The following SOX6 variants were observed in gnomAD, a reference collection of about 807,000 sequenced individuals.
SOX6 encodes the protein transcription factor SOX-6.
A neutral mutation model predicts 97.8 loss-of-function variants in SOX6; 11 were observed. That is an observed-to-expected ratio of 0.11 (90% CI 0.07 to 0.19). The LOEUF is 0.19. SOX6 is among the 10% of genes least tolerant of loss of function. The pLI, the probability that SOX6 is intolerant of heterozygous loss-of-function variation, is 1.00. For missense variants in SOX6, 810 were observed against 1,039.5 expected (o/e 0.78, Z 3.04); for synonymous variants, 360 against 371.4 (o/e 0.97, Z 0.35).
At chr11:16,012,261 T>A (rs1854753764) in intron 13 of SOX6, among the ~76,000 whole-genome samples, 1 of 152,026 alleles carries the variant, frequency 6.6e-6, no homozygotes, top group African/African-American at 2.4e-5. Context: ...TAATATGAAG[T>A]GTAACTCCAG....
chr11:16,361,197 A>G (rs1857203878), upstream of SOX6, among the ~76,000 whole-genome samples: 2 of 152,156 alleles, frequency 1.3e-5, no homozygotes, highest in South Asian at 4.1e-4. Flanking sequence ...AAGGTCATGC[A>G]GCCAATAAGG....
At chr11:16,455,949 A>T (rs1040611472) in intron 1 of SOX6, among the ~76,000 whole-genome samples, 1 of 152,096 alleles carries the variant, frequency 6.6e-6, no homozygotes, top group Admixed American at 6.6e-5. Context: ...TAAAATGTCA[A>T]AATAGGTACT....
chr11:16,410,718 C>A, intron 1 of SOX6, among the ~76,000 whole-genome samples: 1 of 137,814 alleles, frequency 7.3e-6, no homozygotes. Context: ...ATGATCATGC[C>A]ACTGCACTCT....
Position 16,513,350 on chromosome 11 carries a change from G to T in SOX6, n.610-36962C>A, listed in dbSNP as rs141538103. Among the ~76,000 whole-genome samples the T allele has an allele frequency of 1.6e-3, 238 of 152,250 alleles. 1 individual carries two copies. The highest frequency in any genetic ancestry group is 4.1e-3 in the Admixed American group (62 of 15,282). Reference sequence around the variant, plus strand: ...GGGGATAAAGTAAAACAGTGGAAGGGGGCCGGGCACAGTGGCTCAGGCCTG... The same window carrying T: ...GGGGATAAAGTAAAACAGTGGAAGGTGGCCGGGCACAGTGGCTCAGGCCTG... On this transcript the variant is annotated intron_variant and non_coding_transcript_variant, in intron 4 of 5. Coordinates refer to the SOX6 transcript ENST00000524520.
intron 4 of SOX6, among the ~76,000 whole-genome samples, chr11:16,187,822 A>C (rs1851523762): frequency 3.3e-5 from 5 of 152,152 alleles, no homozygotes; most frequent in Admixed American, 2.0e-4. Flanking sequence ...TTGTGAATCT[A>C]AATTAGAGCA....
intron 9 of SOX6, among the ~76,000 whole-genome samples, chr11:16,079,539 A>G (rs1264094381): frequency 6.6e-6 from 1 of 152,186 alleles, no homozygotes; most frequent in Non-Finnish European, 1.5e-5. Flanking sequence ...AATAATACAT[A>G]GATTTATTAA....
intron 4 of SOX6, among the ~76,000 whole-genome samples, chr11:16,513,075 C>A (rs1860904791): frequency 1.3e-5 from 2 of 152,188 alleles, no homozygotes; most frequent in South Asian, 4.1e-4. Context: ...AAGAAAAACT[C>A]ACTTTCTAGT....
At chr11:16,599,059 C>T (rs1241781089) in intron 4 of SOX6, among the ~76,000 whole-genome samples, 3 of 151,994 alleles carry the variant, frequency 2.0e-5, no homozygotes, top group Non-Finnish European at 2.9e-5. Flanking sequence ...CCTATTTATA[C>T]GTATCATCAT....
At chr11:16,105,553 G>A (rs1673927605) in intron 7 of SOX6, among the ~76,000 whole-genome samples, 1 of 151,968 alleles carries the variant, frequency 6.6e-6, no homozygotes, top group African/African-American at 2.4e-5. Context: ...GGACAACAGA[G>A]CTAGACCCTG....
chr11:16,225,894 A>T lies in SOX6; in HGVS notation c.535+8688T>A, dbSNP rs552653044. Among the ~76,000 whole-genome samples the T allele has an allele frequency of 5.9e-5, 9 of 152,300 alleles. No homozygotes were observed. The East Asian group carries it at 1.7e-3, about 29-fold the overall frequency. On this transcript the variant is annotated intron_variant, in intron 4 of 15. Transcript: ENST00000683767. ...TTAATTCAGTATTTGCACCAAACCCAACCATAATATGCTTGTACTATTTGA... is the reference window on the plus strand; with the variant it reads ...TTAATTCAGTATTTGCACCAAACCCTACCATAATATGCTTGTACTATTTGA...
chr11:16,118,028 C>T (rs1849396981), intron 6 of SOX6, among the ~76,000 whole-genome samples: 1 of 152,000 alleles, frequency 6.6e-6, no homozygotes, highest in South Asian at 2.1e-4. Flanking sequence ...TTTAATTATC[C>T]TATAGATGAA....
At chr11:16,374,907 T>C (rs1185271013) in intron 1 of SOX6, among the ~76,000 whole-genome samples, 1 of 152,056 alleles carries the variant, frequency 6.6e-6, no homozygotes, top group Non-Finnish European at 1.5e-5. Context: ...TCCACGATCA[T>C]TTTTGTTATT....
chr11:16,322,684 C>T (rs1855963575), intron 2 of SOX6, among the ~76,000 whole-genome samples: 1 of 152,092 alleles, frequency 6.6e-6, no homozygotes, highest in African/African-American at 2.4e-5. Flanking sequence ...ATGCAGATTC[C>T]TTCATCCCAT....
chr11:16,703,699 T>C (rs765560867), intron 3 of SOX6, among the ~76,000 whole-genome samples: 2 of 152,178 alleles, frequency 1.3e-5, no homozygotes, highest in Non-Finnish European at 2.9e-5. Context: ...TTTCATCTTT[T>C]TTTACAATGT....
intron 6 of SOX6, among the ~76,000 whole-genome samples, chr11:16,119,308 G>A (rs1849431305): frequency 6.6e-6 from 1 of 152,100 alleles, no homozygotes; most frequent in Admixed American, 6.6e-5. Flanking sequence ...CACTTGACAG[G>A]ATAAATTCAT....
chr11:16,186,661 T>G, intron 5 of SOX6, 122 bp downstream of exon 5: 1 of 1,276,782 alleles, frequency 7.8e-7, no homozygotes, highest in Non-Finnish European at 1.1e-6. Context: ...TTTTCCATCT[T>G]TTCTTATTTT....
At position 16,183,937 on chromosome 11, in the gene SOX6, C is replaced by G; in HGVS notation, c.726G>C (p.Gln242His). The change falls in exon 6 of 16, where the codon CAG becomes CAC. Residue 242 changes from glutamine to histidine, a missense_variant. Coordinates refer to ENST00000683767, the MANE Select transcript of SOX6 (RefSeq NM_001367873.1). ...TTTTGTGCTGCTGTTGCAGAAGTTG[C>G]TGCTGTTGTCTCGCAATCTATCAGA... ...QQQEQIARQQ[Q>H]QLLQQQHKIN... 1 of 1,612,302 alleles carries G rather than the reference C, an allele frequency of 6.2e-7. No homozygotes were observed. Among genetic ancestry groups the G allele is most frequent in the South Asian group, 1.1e-5 (1 of 91,058 alleles).
At position 16,474,647 on chromosome 11, in the gene SOX6, A is replaced by G. The variant is rs561344220; in HGVS notation, c.-5+1668T>C. ...ATACTCAGTAAACCATGCTATAAAC[A>G]AGTGTGCTGTCACTCAGGCTTCCTT... On this transcript the variant is annotated intron_variant, in intron 1 of 15. Coordinates refer to the SOX6 transcript ENST00000396356. Among the ~76,000 whole-genome samples the G allele has an allele frequency of 4.6e-5, 7 of 152,272 alleles. No individual in the cohort carries two copies. In the South Asian group the frequency reaches 1.4e-3, roughly 32 times the overall value.
At chr11:16,149,854 G>A (rs1205876873) in intron 6 of SOX6, among the ~76,000 whole-genome samples, 1 of 152,128 alleles carries the variant, frequency 6.6e-6, no homozygotes. Flanking sequence ...AGCAGCCAAT[G>A]CCAAAAAGAG....
Sources: allele counts gnomAD v4.1 joint callset (sites outside exome capture counted in the v4.1 genomes callset), GRCh38; gene constraint gnomAD v4.1.1; transcripts MANE v1.5; gene names NCBI Gene and HGNC (gene_info 2026-07-23, HGNC 2026-07-21).